PDE1C: variants seen among roughly 807,000 people sequenced by gnomAD.
PDE1C encodes the protein phosphodiesterase 1C, also known as dual specificity calcium/calmodulin-dependent 3',5'-cyclic nucleotide phosphodiesterase 1C.
PDE1C carries 62 observed loss-of-function variants against 93.1 expected under a neutral mutation model. The observed-to-expected ratio is 0.67, with a 90% confidence interval of 0.54 to 0.82. The LOEUF (loss-of-function observed/expected upper bound fraction) is 0.82, where lower values mean the gene tolerates loss of function less well. Among genes scored for constraint, PDE1C ranks in the 40% least tolerant of loss-of-function variants. PDE1C has a pLI of 0.00. For synonymous variants in PDE1C, 325 were observed against 310.1 expected (o/e 1.05, Z -0.50); for missense variants, 742 against 884.6 (o/e 0.84, Z 2.04).
chr7:31,751,171 C>T (rs1425228792), downstream of PDE1C: 1 of 152,104 alleles, frequency 6.6e-6, no homozygotes, highest in Non-Finnish European at 1.5e-5. Flanking sequence ...GGCTCACATA[C>T]AAGAAAGTCT....
intron 1 of PDE1C, among the ~76,000 whole-genome samples, chr7:32,251,308 G>T (rs1328893606): frequency 6.6e-6 from 1 of 152,186 alleles, no homozygotes. Context: ...ACTTTGACCT[G>T]CACGTTTGAA....
the PDE1C span, among the ~76,000 whole-genome samples, chr7:31,664,767 G>A: frequency 6.6e-6 from 1 of 152,172 alleles, no homozygotes; most frequent in African/African-American, 2.4e-5. Flanking sequence ...CCTGACAAAT[G>A]GCTGGAAGGG....
intron 3 of PDE1C, among the ~76,000 whole-genome samples, chr7:32,114,608 A>C (rs141477942): frequency 4.9e-3 from 753 of 152,338 alleles, no homozygotes; most frequent in African/African-American, 0.017. Context: ...AAAAGCTAAA[A>C]TTGACAGATG....
At chr7:32,337,260 C>A (rs1163136399) in intron 1 of PDE1C, among the ~76,000 whole-genome samples, 1 of 152,058 alleles carries the variant, frequency 6.6e-6, no homozygotes, top group African/African-American at 2.4e-5. Context: ...TATGTTGAGC[C>A]CTCGGAAGTC....
intron 3 of PDE1C, among the ~76,000 whole-genome samples, chr7:32,104,468 T>C (rs1330389337): frequency 6.6e-6 from 1 of 152,190 alleles, no homozygotes; most frequent in Non-Finnish European, 1.5e-5. Flanking sequence ...CATGCAAGTT[T>C]TCGAAAAAGA....
intron 2 of PDE1C, among the ~76,000 whole-genome samples, chr7:32,002,043 A>T (rs1410988779): frequency 2.0e-5 from 3 of 152,174 alleles, no homozygotes; most frequent in Admixed American, 6.5e-5. Flanking sequence ...TGGGTGACAG[A>T]GCAAGACTCT....
intron 2 of PDE1C, among the ~76,000 whole-genome samples, chr7:31,884,006 T>C (rs934953070): frequency 1.3e-5 from 2 of 152,050 alleles, no homozygotes; most frequent in African/African-American, 4.8e-5. Context: ...AGAGAGGAAA[T>C]GACACAGAAA....
intron 1 of PDE1C, among the ~76,000 whole-genome samples, chr7:32,337,544 G>T (rs1332440400): frequency 6.6e-6 from 1 of 152,070 alleles, no homozygotes. Context: ...ATTTTGATGG[G>T]GTAATCAATA....
intron 2 of PDE1C, among the ~76,000 whole-genome samples, chr7:32,028,038 C>T (rs999314072): frequency 1.3e-5 from 2 of 152,124 alleles, no homozygotes; most frequent in African/African-American, 4.8e-5. Flanking sequence ...GCCAGTCTTC[C>T]TCCTGATTGA....
At position 32,374,183 on chromosome 7, in the gene PDE1C, A is replaced by AAAGAAAGAAAGAAAGAAAG. The variant is rs1562695812; in HGVS notation, c.310+53638_310+53639insCTTTCTTTCTTTCTTTCTT. 9.2e-5 allele frequency among the ~76,000 whole-genome samples: 11 copies of AAAGAAAGAAAGAAAGAAAG among 119,774 alleles called. 1 individual carries two copies. Among genetic ancestry groups the AAAGAAAGAAAGAAAGAAAG allele is most frequent in the African/African-American group, 3.5e-4 (11 of 31,648 alleles). 78.6% of individuals were successfully genotyped at this position (119,774 alleles called of 152,430 possible). ...AAGAGAAAGAAAGAAAGAAAGAAAG[A>AAAGAAAGAAAGAAAGAAAG]AAGAAAGAAAGAGAGGGAAAGAGAG... On this transcript the variant is annotated intron_variant, in intron 1 of 1. Coordinates refer to the PDE1C transcript ENST00000672256.
At chr7:31,691,446 T>C in the PDE1C span, among the ~76,000 whole-genome samples, 2 of 152,168 alleles carry the variant, frequency 1.3e-5, no homozygotes, top group East Asian at 1.9e-4. Flanking sequence ...ACATGAGTAA[T>C]AAATTATCTA....
rs1376458327 is a variant in PDE1C, at chr7:31,850,179, A to G, written c.851+462T>C. Among the ~76,000 whole-genome samples the G allele has an allele frequency of 2.6e-5, 4 of 152,102 alleles. No individual in the cohort carries two copies. The East Asian group carries it at 5.8e-4, about 22-fold the overall frequency. ...GGTGCAAGCACTAAACAGAGCAGAT[A>G]CGAAATCAGAGAGGATGAGAAGAGA... On this transcript the variant is annotated intron_variant, in intron 8 of 17. Coordinates refer to ENST00000396191, the MANE Select transcript of PDE1C (RefSeq NM_001191057.4).
the PDE1C span, among the ~76,000 whole-genome samples, chr7:31,696,269 C>T: frequency 2.6e-5 from 4 of 152,310 alleles, no homozygotes; most frequent in East Asian, 7.7e-4. Context: ...CTGTTCACAA[C>T]ACACCTTGAG....
chr7:31,719,786 C>T, the PDE1C span, among the ~76,000 whole-genome samples: 24 of 152,286 alleles, frequency 1.6e-4, no homozygotes, highest in African/African-American at 5.5e-4. Context: ...GCTTCTACTC[C>T]GAAAGAAACC....
intron 2 of PDE1C, among the ~76,000 whole-genome samples, chr7:31,975,472 G>C (rs1189382589): frequency 6.6e-6 from 1 of 152,106 alleles, no homozygotes; most frequent in Non-Finnish European, 1.5e-5. Context: ...GACACACCAA[G>C]GATGGGAGTA....
At chr7:32,185,116 C>CA (rs1157369793) in intron 2 of PDE1C, among the ~76,000 whole-genome samples, 46 of 117,278 alleles carry the variant, frequency 3.9e-4, no homozygotes, top group East Asian at 3.8e-3. Context: ...TGTCCCCCCA[C>CA]AAAAAAAAGA....
At chr7:32,074,502 A>G (rs773478705), upstream of PDE1C, among the ~76,000 whole-genome samples, 9 of 152,234 alleles carry the variant, frequency 5.9e-5, no homozygotes, top group African/African-American at 1.4e-4. Context: ...TACAGCTAAT[A>G]CATGGCACAG....
At chr7:31,627,877 G>T in the PDE1C span, among the ~76,000 whole-genome samples, 1 of 152,120 alleles carries the variant, frequency 6.6e-6, no homozygotes, top group African/African-American at 2.4e-5. Flanking sequence ...TAAGTTGTCT[G>T]GTTATTGTAC....
intron 2 of PDE1C, among the ~76,000 whole-genome samples, chr7:31,955,564 A>G (rs1032195600): frequency 2.6e-5 from 4 of 152,200 alleles, no homozygotes; most frequent in African/African-American, 9.6e-5. Flanking sequence ...GGGGTGGGGC[A>G]GTATAAAGTA....
Sources: gnomAD v4.1 joint callset for allele counts (sites outside exome capture counted in the v4.1 genomes callset) on GRCh38, gnomAD v4.1.1 for gene constraint, MANE v1.5 for transcripts, NCBI Gene and HGNC (gene_info 2026-07-23, HGNC 2026-07-21) for gene names.